Variants in SPOCK3 observed in about 807,000 individuals in gnomAD.
The protein encoded by SPOCK3 is testican-3.
A neutral mutation model predicts 56.6 loss-of-function variants in SPOCK3; 30 were observed. The ratio of observed to expected loss-of-function variants is 0.53; its 90% CI spans 0.40 to 0.72. The LOEUF (loss-of-function observed/expected upper bound fraction) is 0.72, where lower values mean the gene tolerates loss of function less well. SPOCK3 is among the 30% of genes least tolerant of loss of function. The probability of loss-of-function intolerance (pLI) is 0.00; values close to 1 mark genes in which losing one functional copy is unlikely to be tolerated. For synonymous variants in SPOCK3, 196 were observed against 183.3 expected, an observed-to-expected ratio of 1.07 and a Z score of -0.56; for missense variants, 527 against 530.0, an observed-to-expected ratio of 0.99 and a Z score of 0.06.
chr4:167,188,286 T>G (rs1167887312), intron 2 of SPOCK3, among the ~76,000 whole-genome samples: 1 of 145,992 alleles, frequency 6.8e-6, no homozygotes, highest in Non-Finnish European at 1.5e-5. Flanking sequence ...CTTAACTCAC[T>G]TTCTATTGTT....
At chr4:166,747,757 C>A (rs1477633142) in intron 8 of SPOCK3, among the ~76,000 whole-genome samples, 2 of 151,888 alleles carry the variant, frequency 1.3e-5, no homozygotes, top group South Asian at 2.1e-4. Flanking sequence ...GCCCAAAATC[C>A]CCTTAAGCTG....
chr4:166,782,297 A>T (rs1193613919), intron 7 of SPOCK3, among the ~76,000 whole-genome samples: 3 of 152,198 alleles, frequency 2.0e-5, no homozygotes, highest in Non-Finnish European at 4.4e-5. Context: ...CTAAATGTAT[A>T]ATGTATCTTA....
intron 2 of SPOCK3, among the ~76,000 whole-genome samples, chr4:167,067,130 A>T (rs1337503523): frequency 2.0e-5 from 3 of 151,870 alleles, no homozygotes; most frequent in Non-Finnish European, 4.4e-5. Context: ...ATGCCTACCG[A>T]TGAACATAAA....
chr4:167,080,332 C>T (rs551163006), intron 2 of SPOCK3, among the ~76,000 whole-genome samples: 52 of 152,192 alleles, frequency 3.4e-4, no homozygotes, highest in African/African-American at 1.2e-3. Context: ...AAACAAGTTT[C>T]CAATTGTCCC....
Position 166,912,719 on chromosome 4 carries a change from A to C in SPOCK3, c.375T>G (p.His125Gln), listed in dbSNP as rs757365055. The C allele has an allele frequency of 6.2e-7, 1 of 1,612,404 alleles. No homozygotes were observed. The change falls in exon 5 of 11, where the codon CAT (histidine) becomes CAG (glutamine). Residue 125 changes from histidine to glutamine, a missense_variant. His to Gln is a conservative substitution (Grantham distance 24, BLOSUM62 0). Transcript: ENST00000357545. The part of the protein sequence containing the change: ...THRMKEAGVD[H>Q]RQWRGPILST... ...ATAATATGGGACCCCTCCACTGCCT[A>C]TGGTCTACTCCTGCTTCTTTCATCC...
At chr4:167,098,399 G>A (rs998165614) in intron 2 of SPOCK3, among the ~76,000 whole-genome samples, 1 of 151,790 alleles carries the variant, frequency 6.6e-6, no homozygotes, top group Non-Finnish European at 1.5e-5. Context: ...ATTTTTAAAT[G>A]TTCCTAGAAC....
intron 6 of SPOCK3, among the ~76,000 whole-genome samples, chr4:166,842,766 G>T (rs964348590): frequency 6.6e-6 from 1 of 152,236 alleles, no homozygotes; most frequent in Non-Finnish European, 1.5e-5. Flanking sequence ...CAGGAGCCCA[G>T]CTGGCTTCGC....
At chr4:166,994,472 T>C (rs1288818579) in intron 4 of SPOCK3, among the ~76,000 whole-genome samples, 2 of 152,116 alleles carry the variant, frequency 1.3e-5, no homozygotes, top group African/African-American at 2.4e-5. Flanking sequence ...CTCTACAGAA[T>C]GAATTTCCTG....
intron 2 of SPOCK3, among the ~76,000 whole-genome samples, chr4:167,072,104 G>C (rs992423981): frequency 6.6e-6 from 1 of 152,012 alleles, no homozygotes; most frequent in Non-Finnish European, 1.5e-5. Flanking sequence ...AGAGGTAAGT[G>C]ATTCTATCAC....
At chr4:166,751,355 C>T (rs1409296528) in intron 8 of SPOCK3, among the ~76,000 whole-genome samples, 1 of 152,106 alleles carries the variant, frequency 6.6e-6, no homozygotes, top group Non-Finnish European at 1.5e-5. Context: ...AAAAACCCTG[C>T]ATAAACTAGT....
At position 167,098,451 on chromosome 4, in the gene SPOCK3, ACTAT is replaced by A. The variant is rs529707595; in HGVS notation, c.190-35918_190-35915del. Among the ~76,000 whole-genome samples, 10 of 152,014 alleles carry A rather than the reference ACTAT, an allele frequency of 6.6e-5. No homozygotes were observed. In the East Asian group the frequency reaches 1.4e-3, roughly 21 times the overall value. Reference sequence around the variant, plus strand: ...TTCTGCTGCAGGTAAGGAGATATAAACTATCTATCTCTCCATCTAATCTATCTAT... The same window carrying A: ...TTCTGCTGCAGGTAAGGAGATATAAACTATCTCTCCATCTAATCTATCTAT... On this transcript the variant is annotated intron_variant, in intron 2 of 10. Coordinates refer to ENST00000357545, the MANE Select transcript of SPOCK3 (RefSeq NM_001040159.2).
chr4:167,226,412 G>T lies in SPOCK3; in HGVS notation c.189+7573C>A, dbSNP rs751792259. 3.3e-4 allele frequency among the ~76,000 whole-genome samples: 50 copies of T among 152,114 alleles called. 2 individuals carry two copies. Among genetic ancestry groups the T allele is most frequent in the Non-Finnish European group, 7.2e-4 (49 of 68,024 alleles). On this transcript the variant is annotated intron_variant, in intron 2 of 10. Transcript: ENST00000357545. Reference sequence around the variant, plus strand: ...GGGATAATATGGAATTTGGAAGAAAGATTGATTAGGGAGGCAAACAACTGA... The same window carrying T: ...GGGATAATATGGAATTTGGAAGAAATATTGATTAGGGAGGCAAACAACTGA...
chr4:167,053,660 G>A (rs1383190836), intron 3 of SPOCK3, among the ~76,000 whole-genome samples: 1 of 152,006 alleles, frequency 6.6e-6, no homozygotes, highest in Non-Finnish European at 1.5e-5. Flanking sequence ...ACTCCAGCCT[G>A]GGCGACAGAG....
intron 2 of SPOCK3, among the ~76,000 whole-genome samples, chr4:167,117,367 G>C (rs966163449): frequency 6.6e-6 from 1 of 151,996 alleles, no homozygotes; most frequent in Non-Finnish European, 1.5e-5. Context: ...TTTTCCACAG[G>C]ACCTTGACTG....
At chr4:166,752,573 TACACACAC>T (rs67209921) in intron 8 of SPOCK3, among the ~76,000 whole-genome samples, 133 of 28,914 alleles carry the variant, frequency 4.6e-3, no homozygotes, top group African/African-American at 0.015. Context: ...TATATATATA[TACACACAC>T]ACACACACAC....
At chr4:166,895,165 G>A (rs984543523) in intron 5 of SPOCK3, among the ~76,000 whole-genome samples, 5 of 151,686 alleles carry the variant, frequency 3.3e-5, no homozygotes, top group Non-Finnish European at 7.4e-5. Flanking sequence ...TATAAAAATA[G>A]GTTGTTTAAT....
chr4:167,110,650 C>A (rs1009898998), intron 2 of SPOCK3, among the ~76,000 whole-genome samples: 1 of 151,864 alleles, frequency 6.6e-6, no homozygotes, highest in African/African-American at 2.4e-5. Flanking sequence ...TAAGACAATA[C>A]CCATTGAACC....
chr4:166,973,503 A>G (rs1745611599), intron 4 of SPOCK3, among the ~76,000 whole-genome samples: 1 of 152,188 alleles, frequency 6.6e-6, no homozygotes. Flanking sequence ...TACTGAGTTC[A>G]TTACAGGTTA....
At chr4:167,088,384 G>A (rs557916514) in intron 2 of SPOCK3, among the ~76,000 whole-genome samples, 9 of 151,956 alleles carry the variant, frequency 5.9e-5, no homozygotes, top group Admixed American at 2.0e-4. Flanking sequence ...GGTGTGCAAG[G>A]CCACCAGTCT....
Sources: gnomAD v4.1 joint callset for allele counts (sites outside exome capture counted in the v4.1 genomes callset) on GRCh38, gnomAD v4.1.1 for gene constraint, MANE v1.5 for transcripts, NCBI Gene and HGNC (gene_info 2026-07-23, HGNC 2026-07-21) for gene names.